Variants in TSHB observed in about 807,000 individuals in gnomAD.
The protein encoded by TSHB is thyroid stimulating hormone subunit beta, also known as thyrotropin subunit beta.
In TSHB, 9 loss-of-function variants were observed where a neutral mutation model predicts 9.3. The ratio of observed to expected loss-of-function variants is 0.97; its 90% CI spans 0.58 to 1.69. The LOEUF is 1.69. Among genes scored for constraint, TSHB ranks in the 40% most tolerant of loss-of-function variants. The pLI, the probability that TSHB is intolerant of heterozygous loss-of-function variation, is 0.00. For synonymous variants in TSHB, 57 were observed against 57.2 expected (o/e 1.00, Z 0.01); for missense variants, 182 against 168.5 (o/e 1.08, Z -0.44).
rs985685365 is a variant in TSHB at position 115,034,180 on chromosome 1, T to G, written c.370T>G (p.Tyr124Asp). 2.5e-6 allele frequency: 4 copies of G among 1,613,740 alleles called. No individual in the cohort carries two copies. The Admixed American group carries it at 6.7e-5, about 27-fold the overall frequency. Reference sequence around the variant, plus strand: ...CATACATGAAGCCATCAAGACAAACTACTGTACCAAACCTCAGAAGTCTTA... The same window carrying G: ...CATACATGAAGCCATCAAGACAAACGACTGTACCAAACCTCAGAAGTCTTA... The part of the protein sequence containing the change: ...DCIHEAIKTN[Y>D]CTKPQKSYLV... Residue 124 changes from tyrosine (Y) to aspartate (D), a missense_variant, in exon 3 of 3, where the codon TAC becomes GAC. Tyr to Asp is a radical substitution (Grantham distance 160). Coordinates refer to ENST00000256592, the MANE Select transcript of TSHB (RefSeq NM_000549.5).
intron 1 of TSHB, among the ~76,000 whole-genome samples, chr1:115,030,916 T>C (rs988483704): frequency 1.3e-5 from 2 of 152,014 alleles, no homozygotes; most frequent in African/African-American, 2.4e-5. Flanking sequence ...AAGGGACATA[T>C]GGAAAAATGA....
At position 115,033,527 on chromosome 1, in the gene TSHB, A is replaced by G. The variant is rs970553473; in HGVS notation, c.162+3A>G. 2 of 1,611,532 alleles carry G rather than the reference A, an allele frequency of 1.2e-6. No homozygotes were observed. The highest frequency in any genetic ancestry group is 1.7e-5 in the Admixed American group (1 of 59,978). ...GTGCTGGATATTGTATGACACGGGTATGTAGTTCATGTCACTTCTTTTGGC... is the reference window on the plus strand; with the variant it reads ...GTGCTGGATATTGTATGACACGGGTGTGTAGTTCATGTCACTTCTTTTGGC... On this transcript the variant is annotated splice_donor_region_variant and intron_variant, in intron 2 of 2. Transcript: ENST00000256592.
Position 115,029,882 on chromosome 1 carries a change from G to A in TSHB, c.-2+22G>A, listed in dbSNP as rs76566517. 222 of 152,538 alleles carry A rather than the reference G, an allele frequency of 1.5e-3. 3 individuals carry two copies. Among genetic ancestry groups the A allele is most frequent in the African/African-American group, 5.2e-3 (217 of 41,546 alleles). The allele number at this position is 152,538 out of a possible 1,614,324, so 9.4% of individuals were successfully genotyped here. The stretch of plus-strand genomic sequence containing the variant: ...TAAGGTAGGTGTCTATAGTGAGAAG[G>A]CTCTGTGAAATGATATGTTCTTAAG... On this transcript the variant is annotated intron_variant, in intron 1 of 2. Coordinates refer to ENST00000256592, the MANE Select transcript of TSHB (RefSeq NM_000549.5).
intron 1 of TSHB, among the ~76,000 whole-genome samples, chr1:115,031,099 C>T (rs905791921): frequency 6.6e-6 from 1 of 151,900 alleles, no homozygotes; most frequent in Non-Finnish European, 1.5e-5. Flanking sequence ...GCTCTAAGCC[C>T]TGCTTTTATA....
chr1:115,033,558 A>AG, intron 2 of TSHB, 34 bp downstream of exon 2: 2 of 1,574,100 alleles, frequency 1.3e-6, no homozygotes, highest in Non-Finnish European at 1.7e-6. Context: ...TTGGCTGTAA[A>AG]TTATATAAGC....
chr1:115,033,375 T>C lies in TSHB; in HGVS notation c.13T>C (p.Phe5Leu), dbSNP rs1674935768. The change falls in exon 2 of 3, where the codon TTT (phenylalanine) becomes CTT (leucine). Residue 5 changes from phenylalanine (F) to leucine (L), a missense_variant. Transcript: ENST00000256592. MTAL[F>L]LMSMLFGLTC... The stretch of plus-strand genomic sequence containing the variant: ...TCTTTGATTTAGCATGACTGCTCTC[T>C]TTCTGATGTCCATGCTTTTTGGCCT... 1 of 1,613,484 alleles carries C rather than the reference T, an allele frequency of 6.2e-7. No homozygotes were observed. Among genetic ancestry groups the C allele is most frequent in the East Asian group, 2.2e-5 (1 of 44,866 alleles).
At chr1:115,034,304 C>A (rs951145661), downstream of TSHB, 24 of 1,502,764 alleles carry the variant, frequency 1.6e-5, 1 homozygote, top group East Asian at 2.0e-4. Context: ...TTCACATTAT[C>A]TTCTGTTCAT....
chr1:115,030,348 C>A (rs981567169), intron 1 of TSHB, among the ~76,000 whole-genome samples: 2 of 152,010 alleles, frequency 1.3e-5, no homozygotes, highest in Non-Finnish European at 2.9e-5. Context: ...TGATAGTGTT[C>A]AACACACACA....
chr1:115,032,932 A>C (rs1210027308), intron 1 of TSHB, among the ~76,000 whole-genome samples: 1 of 151,882 alleles, frequency 6.6e-6, no homozygotes, highest in African/African-American at 2.4e-5. Context: ...ATGCATCCAA[A>C]AATTATTTAA....
At chr1:115,032,315 T>C (rs1413894781) in intron 1 of TSHB, among the ~76,000 whole-genome samples, 1 of 152,054 alleles carries the variant, frequency 6.6e-6, no homozygotes, top group Admixed American at 6.6e-5. Flanking sequence ...AAATCCTGGT[T>C]AACCAAGGCC....
At chr1:115,032,271 G>A (rs1013209339) in intron 1 of TSHB, among the ~76,000 whole-genome samples, 1 of 151,754 alleles carries the variant, frequency 6.6e-6, no homozygotes, top group Non-Finnish European at 1.5e-5. Context: ...GTGTAATGTG[G>A]TTTTCATGGT....
Position 115,033,388 on chromosome 1 carries a change from T to C in TSHB, c.26T>C (p.Met9Thr). ...ATGACTGCTCTCTTTCTGATGTCCA[T>C]GCTTTTTGGCCTTACATGTGGGCAA... MTALFLMS[M>T]LFGLTCGQAM... Residue 9 changes from methionine (M) to threonine (T), a missense_variant, in exon 2 of 3, where the codon ATG (methionine) becomes ACG (threonine). Met to Thr is a moderately conservative substitution (Grantham distance 81). Coordinates refer to ENST00000256592, the MANE Select transcript of TSHB (RefSeq NM_000549.5). 3 of 1,613,514 alleles carry C rather than the reference T, an allele frequency of 1.9e-6. No homozygotes were observed. The highest frequency in any genetic ancestry group is 2.5e-6 in the Non-Finnish European group (3 of 1,179,498).
intron 1 of TSHB, among the ~76,000 whole-genome samples, chr1:115,032,299 A>C (rs1209743661): frequency 1.3e-5 from 2 of 151,370 alleles, no homozygotes; most frequent in East Asian, 3.9e-4. Flanking sequence ...AAGTTGATTG[A>C]AAAAAAAATC....
chr1:115,032,779 TCATATCCAATATAAC>T (rs1320333990), intron 1 of TSHB, among the ~76,000 whole-genome samples: 1 of 151,962 alleles, frequency 6.6e-6, no homozygotes, highest in Non-Finnish European at 1.5e-5. Context: ...CAATATGATA[TCATATCCAATATAAC>T]TATATCCAAT....
In TSHB at chr1:115,033,488, C is replaced by G. The variant is rs1423066360; in HGVS notation, c.126C>G (p.Ile42Met). 6.2e-7 allele frequency: 1 copy of G among 1,613,342 alleles called. No individual in the cohort carries two copies. Among genetic ancestry groups the G allele is most frequent in the Non-Finnish European group, 8.5e-7 (1 of 1,179,384 alleles). The change falls in exon 2 of 3, where the codon ATC becomes ATG. Residue 42 changes from isoleucine (I) to methionine (M), a missense_variant. Ile to Met is a conservative substitution (Grantham distance 10). Transcript: ENST00000256592. ...ERRECAYCLT[I>M]NTTICAGYCM... The stretch of plus-strand genomic sequence containing the variant: ...GAGAGTGTGCTTATTGCCTAACCAT[C>G]AACACCACCATCTGTGCTGGATATT...
At chr1:115,032,161 T>C (rs1331797759) in intron 1 of TSHB, among the ~76,000 whole-genome samples, 2 of 152,016 alleles carry the variant, frequency 1.3e-5, no homozygotes, top group African/African-American at 4.8e-5. Flanking sequence ...AATATATGTT[T>C]ATCTAATTTA....
In TSHB at chr1:115,034,058, A is replaced by C; in HGVS notation, c.248A>C (p.Glu83Ala). Residue 83 changes from glutamate (E) to alanine (A), a missense_variant, in exon 3 of 3, where the codon GAA (glutamate) becomes GCA (alanine). Coordinates refer to ENST00000256592, the MANE Select transcript of TSHB (RefSeq NM_000549.5). ...AGAGACTTCATCTACAGGACTGTAGAAATACCAGGATGCCCACTCCATGTT... is the reference window on the plus strand; with the variant it reads ...AGAGACTTCATCTACAGGACTGTAGCAATACCAGGATGCCCACTCCATGTT... ...TYRDFIYRTV[E>A]IPGCPLHVAP... 5 of 1,613,820 alleles carry C rather than the reference A, an allele frequency of 3.1e-6. No individual in the cohort carries two copies. The highest frequency in any genetic ancestry group is 4.2e-6 in the Non-Finnish European group (5 of 1,179,776).
intron 1 of TSHB, 37 bp downstream of exon 1, chr1:115,029,897 A>G (rs1474068998): frequency 2.0e-5 from 3 of 152,514 alleles, no homozygotes; most frequent in African/African-American, 7.2e-5. Flanking sequence ...GTGAAATGAT[A>G]TGTTCTTAAG....
At chr1:115,030,103 T>C (rs1186898867) in intron 1 of TSHB, among the ~76,000 whole-genome samples, 3 of 152,042 alleles carry the variant, frequency 2.0e-5, no homozygotes, top group Non-Finnish European at 4.4e-5. Context: ...ACTGATTAGT[T>C]CCCTAATGAA....
Sources: allele counts gnomAD v4.1 joint callset (sites outside exome capture counted in the v4.1 genomes callset), GRCh38; gene constraint gnomAD v4.1.1; transcripts MANE v1.5; gene names NCBI Gene and HGNC (gene_info 2026-07-23, HGNC 2026-07-21).